DCX: variants seen among roughly 807,000 people sequenced by gnomAD.
The protein encoded by DCX is doublecortin, also known as neuronal migration protein doublecortin.
DCX carries 4 observed loss-of-function variants against 20.9 expected under a neutral mutation model. That is an observed-to-expected ratio of 0.19 (90% CI 0.09 to 0.44). The LOEUF is 0.44. Ranked by LOEUF, DCX falls within the 20% of genes least tolerant of loss-of-function variation. The pLI is 0.99. For missense variants in DCX, 133 were observed against 296.9 expected (o/e 0.45, Z 4.06); for synonymous variants, 103 against 111.4 (o/e 0.92, Z 0.47).
At chrX:111,389,388 A>C (rs1033374110) in intron 3 of DCX, among the ~76,000 whole-genome samples, 1 of 110,641 alleles carries the variant, frequency 9.0e-6, no homozygotes, top group African/African-American at 3.3e-5. Flanking sequence ...TCTCACATGC[A>C]CCCTTGGTAA....
intron 1 of DCX, 58 bp from the exon 2 acceptor site, chrX:111,410,478 A>C: frequency 8.5e-7 from 1 of 1,180,079 alleles, no homozygotes; most frequent in Non-Finnish European, 1.1e-6. Flanking sequence ...AGGGACAAGG[A>C]GAAGGAAAAA....
At chrX:111,371,888 A>ATGCACATT (rs1265019591) in intron 3 of DCX, among the ~76,000 whole-genome samples, 2 of 108,669 alleles carry the variant, frequency 1.8e-5, no homozygotes, top group African/African-American at 6.6e-5. Context: ...TATTAATTAT[A>ATGCACATT]TGCACATTGT....
chrX:111,343,936 C>T (rs1374704965), intron 3 of DCX, among the ~76,000 whole-genome samples: 2 of 110,821 alleles, frequency 1.8e-5, no homozygotes, highest in South Asian at 3.9e-4. Context: ...GAGTGGAGAT[C>T]GCGCCACTGC....
intron 3 of DCX, among the ~76,000 whole-genome samples, chrX:111,374,229 T>C (rs1200677151): frequency 9.0e-6 from 1 of 111,721 alleles, no homozygotes; most frequent in Non-Finnish European, 1.9e-5. Flanking sequence ...ACCAAGGCCC[T>C]GTGGCAGGAC....
intron 3 of DCX, among the ~76,000 whole-genome samples, chrX:111,336,430 G>T (rs992729520): frequency 5.3e-5 from 6 of 112,417 alleles, no homozygotes; most frequent in African/African-American, 1.9e-4. Context: ...GTCTTTGTGT[G>T]ATCCCATTCC....
intron 3 of DCX, among the ~76,000 whole-genome samples, chrX:111,375,155 G>A (rs1220917037): frequency 9.4e-6 from 1 of 105,997 alleles, no homozygotes; most frequent in Non-Finnish European, 1.9e-5. Flanking sequence ...GCAGCTTCTT[G>A]ATGCTGGTGA....
At chrX:111,404,050 A>AAAATG (rs1928022968) in intron 2 of DCX, among the ~76,000 whole-genome samples, 1 of 98,001 alleles carries the variant, frequency 1.0e-5, no homozygotes, top group African/African-American at 3.8e-5. Flanking sequence ...ATTCCGTCTT[A>AAAATG]AAATAAAATA....
chrX:111,350,279 G>T (rs1923203809), intron 3 of DCX, among the ~76,000 whole-genome samples: 1 of 111,558 alleles, frequency 9.0e-6, no homozygotes, highest in South Asian at 3.8e-4. Flanking sequence ...CTGGAGAGTA[G>T]ATCTGCCACT....
chrX:111,381,030 C>A (rs768074211), intron 3 of DCX, among the ~76,000 whole-genome samples: 1 of 110,709 alleles, frequency 9.0e-6, no homozygotes, highest in African/African-American at 3.3e-5. Flanking sequence ...ATGACTAAAA[C>A]CCAGGTATTT....
intron 3 of DCX, among the ~76,000 whole-genome samples, chrX:111,362,393 G>A (rs1174802747): frequency 2.7e-5 from 3 of 110,669 alleles, no homozygotes; most frequent in African/African-American, 3.3e-5. Flanking sequence ...CAAGAAATGC[G>A]CTAGTGTGTC....
chrX:111,361,561 A>G (rs1244785757), intron 3 of DCX, among the ~76,000 whole-genome samples: 1 of 112,261 alleles, frequency 8.9e-6, no homozygotes, highest in East Asian at 2.8e-4. Context: ...TGTTACCATT[A>G]TTTCAATATT....
chrX:111,411,187 G>C, intron 1 of DCX: 1 of 408,513 alleles, frequency 2.4e-6, no homozygotes. Flanking sequence ...TATTTAACAA[G>C]TTACTAGCTC....
chrX:111,331,910 A>G (rs1183923402), intron 4 of DCX, among the ~76,000 whole-genome samples: 1 of 112,681 alleles, frequency 8.9e-6, no homozygotes, highest in Non-Finnish European at 1.9e-5. Context: ...ACAAGGTCTA[A>G]AAGTCAAGTC....
At chrX:111,358,211 C>T (rs1351094534) in intron 3 of DCX, among the ~76,000 whole-genome samples, 1 of 112,325 alleles carries the variant, frequency 8.9e-6, no homozygotes, top group African/African-American at 3.2e-5. Flanking sequence ...TCTAACATTG[C>T]AGTCTTAGAC....
chrX:111,340,642 C>T (rs151214312), intron 3 of DCX, among the ~76,000 whole-genome samples: 4 of 111,461 alleles, frequency 3.6e-5, no homozygotes, highest in Non-Finnish European at 3.8e-5. Flanking sequence ...TTGTGCCCCT[C>T]GAGGTCAGAG....
chrX:111,388,753 C>G (rs1156775709), intron 3 of DCX, among the ~76,000 whole-genome samples: 1 of 112,029 alleles, frequency 8.9e-6, no homozygotes, highest in Non-Finnish European at 1.9e-5. Context: ...TTTGTTAGAG[C>G]CTTACCAACT....
At chrX:111,326,836 AAG>A (rs1390688822) in intron 5 of DCX, among the ~76,000 whole-genome samples, 1 of 111,949 alleles carries the variant, frequency 8.9e-6, no homozygotes, top group African/African-American at 3.2e-5. Context: ...GGGACAACTT[AAG>A]GTCTAAAGAC....
intron 3 of DCX, among the ~76,000 whole-genome samples, chrX:111,343,476 C>G (rs1335412815): frequency 9.4e-6 from 1 of 106,339 alleles, no homozygotes; most frequent in Non-Finnish European, 1.9e-5. Context: ...CAGGACCAGA[C>G]AGATTCACAG....
At chrX:111,380,839 T>G (rs1227146209) in intron 3 of DCX, among the ~76,000 whole-genome samples, 1 of 111,343 alleles carries the variant, frequency 9.0e-6, no homozygotes, top group Non-Finnish European at 1.9e-5. Flanking sequence ...AAATAAATTT[T>G]TAACACATGT....
Sources: gnomAD v4.1 joint callset for allele counts (sites outside exome capture counted in the v4.1 genomes callset) on GRCh38, gnomAD v4.1.1 for gene constraint, MANE v1.5 for transcripts, NCBI Gene and HGNC (gene_info 2026-07-23, HGNC 2026-07-21) for gene names.